PCDHA3: variants seen among roughly 807,000 people sequenced by gnomAD.
PCDHA3 encodes protocadherin alpha 3.
PCDHA3 carries 41 observed loss-of-function variants against 62.2 expected under a neutral mutation model. That is an observed-to-expected ratio of 0.66 (90% CI 0.51 to 0.86). The LOEUF is 0.86. Among genes scored for constraint, PCDHA3 ranks in the 40% least tolerant of loss-of-function variants. PCDHA3 has a pLI of 0.00. For synonymous variants in PCDHA3, 640 were observed against 555.4 expected, an observed-to-expected ratio of 1.15 and a Z score of -2.14; for missense variants, 1,304 against 1,241.2, an observed-to-expected ratio of 1.05 and a Z score of -0.76.
intron 1 of PCDHA3, chr5:140,835,697 T>G (rs2150242231): frequency 1.6e-5 from 26 of 1,613,776 alleles, no homozygotes; most frequent in African/African-American, 6.7e-5. Flanking sequence ...TGTGGGCCAC[T>G]GCTAGCGTGT....
chr5:140,886,698 C>G (rs578140955), intron 1 of PCDHA3, among the ~76,000 whole-genome samples: 3 of 151,820 alleles, frequency 2.0e-5, no homozygotes, highest in Non-Finnish European at 4.4e-5. Flanking sequence ...TGGTGGCACG[C>G]GCCTGTAATC....
At chr5:140,909,043 C>T (rs2074280472) in intron 1 of PCDHA3, among the ~76,000 whole-genome samples, 1 of 152,188 alleles carries the variant, frequency 6.6e-6, no homozygotes, top group Non-Finnish European at 1.5e-5. Flanking sequence ...TTTCCATACT[C>T]TGGCATGCAA....
intron 1 of PCDHA3, among the ~76,000 whole-genome samples, chr5:140,840,126 A>G (rs1776573004): frequency 6.6e-6 from 1 of 152,062 alleles, no homozygotes; most frequent in African/African-American, 2.4e-5. Flanking sequence ...CTGTACTAAT[A>G]AGGACAGAAA....
chr5:140,852,911 C>G lies in PCDHA3; in HGVS notation c.2394+49320C>G, dbSNP rs2150524968. ...TTTTTTTTTTTGAGTCAGAGTCTCG[C>G]TCTGTTGCCCAGGCTGGAGTGCAGT... On this transcript the variant is annotated intron_variant, in intron 1 of 3. Transcript: ENST00000522353. The G allele has an allele frequency of 3.8e-6, 3 of 791,732 alleles. 1 individual carries two copies. The South Asian group carries it at 1.7e-4, about 44-fold the overall frequency. The allele number at this position is 791,732 out of a possible 1,614,324, so 49.0% of individuals were successfully genotyped here. A position where few individuals can be genotyped will look rare whatever the true frequency, so the allele number is the denominator to read the frequency against.
chr5:140,986,714 CATT>C (rs1426352732), intron 3 of PCDHA3, among the ~76,000 whole-genome samples: 4 of 152,118 alleles, frequency 2.6e-5, no homozygotes, highest in Non-Finnish European at 4.4e-5. Flanking sequence ...CAGAAGATAA[CATT>C]ATAGCTTCTC....
Position 140,802,866 on chromosome 5 carries a change from G to T in PCDHA3, c.1669G>T (p.Asp557Tyr). ...SNVTLQVFVL[D>Y]ENDNAPALLM... ...CGTGACGCTGCAGGTGTTCGTGCTG[G>T]ACGAGAACGACAACGCGCCGGCACT... The change falls in exon 1 of 4, where the codon GAC (aspartate) becomes TAC (tyrosine). Residue 557 changes from aspartate to tyrosine, a missense_variant. Coordinates refer to ENST00000522353, the MANE Select transcript of PCDHA3 (RefSeq NM_018906.3). 2 of 1,613,736 alleles carry T rather than the reference G, an allele frequency of 1.2e-6. No homozygotes were observed. Among genetic ancestry groups the T allele is most frequent in the South Asian group, 2.2e-5 (2 of 91,078 alleles).
intron 1 of PCDHA3, chr5:140,808,899 G>T: frequency 6.2e-7 from 1 of 1,613,482 alleles, no homozygotes. Context: ...CCTCGGGCGG[G>T]TGGCACTGGT....
intron 3 of PCDHA3, among the ~76,000 whole-genome samples, chr5:140,985,728 C>G (rs2097165709): frequency 6.7e-6 from 1 of 148,846 alleles, no homozygotes; most frequent in Admixed American, 6.8e-5. Flanking sequence ...TTTTCCTTCA[C>G]TGATGAATTC....
intron 1 of PCDHA3, chr5:140,843,511 C>T: frequency 6.3e-7 from 1 of 1,595,668 alleles, no homozygotes; most frequent in Non-Finnish European, 8.6e-7. Context: ...CCACTGAGGG[C>T]GGGTGCCGGG....
At position 140,979,295 on chromosome 5, in the gene PCDHA3, C is replaced by A. The variant is rs180999093; in HGVS notation, c.2453+288C>A. Among the ~76,000 whole-genome samples, 27 of 152,270 alleles carry A rather than the reference C, an allele frequency of 1.8e-4. 1 individual carries two copies. The highest frequency in any genetic ancestry group is 4.1e-4 in the African/African-American group (17 of 41,558). ...TTCTACAGGGAAGTAATTTCAACCT[C>A]CTTCATCCCTCTCTACCTATGCTTT... On this transcript the variant is annotated intron_variant, in intron 2 of 3. Coordinates refer to ENST00000522353, the MANE Select transcript of PCDHA3 (RefSeq NM_018906.3).
intron 1 of PCDHA3, chr5:140,841,869 A>G (rs1223944877): frequency 6.2e-7 from 1 of 1,613,734 alleles, no homozygotes; most frequent in African/African-American, 1.3e-5. Flanking sequence ...CTAGATGTGA[A>G]TTCAAAGAAC....
At chr5:140,822,611 T>A in intron 1 of PCDHA3, 1 of 1,611,604 alleles carries the variant, frequency 6.2e-7, no homozygotes, top group South Asian at 1.1e-5. Flanking sequence ...ATAGTGTATT[T>A]CTTTAGTAAT....
At chr5:140,841,207 T>A in intron 1 of PCDHA3, 1 of 1,357,192 alleles carries the variant, frequency 7.4e-7, no homozygotes, top group Non-Finnish European at 1.0e-6. Context: ...ACAGCATCTG[T>A]CTCTAAAGGC....
intron 1 of PCDHA3, among the ~76,000 whole-genome samples, chr5:140,941,191 T>TTTCTTTCTTCCTTTCTTCCTTTC (rs1487503403): frequency 1.1e-5 from 1 of 93,258 alleles, no homozygotes; most frequent in African/African-American, 3.9e-5. Flanking sequence ...GCTTCTTTTT[T>TTTCTTTCTTCCTTTCTTCCTTTC]TTTCTTTCTT....
Position 140,971,633 on chromosome 5 carries a change from T to A in PCDHA3, c.2395-7316T>A, listed in dbSNP as rs540754440. 2.0e-5 allele frequency among the ~76,000 whole-genome samples: 3 copies of A among 152,294 alleles called. No individual in the cohort carries two copies. The South Asian group carries it at 6.2e-4, about 32-fold the overall frequency. On this transcript the variant is annotated intron_variant, in intron 1 of 3. Transcript: ENST00000522353. ...GAGTCCTGGGGTACAATTAGTACCA[T>A]GTGCCTACATTAAAAGTAGATGGGA...
intron 1 of PCDHA3, among the ~76,000 whole-genome samples, chr5:140,934,198 A>G (rs918942390): frequency 3.7e-4 from 57 of 152,134 alleles, no homozygotes; most frequent in African/African-American, 1.3e-3. Context: ...TTTCATTTCT[A>G]TTTCCTCACA....
intron 1 of PCDHA3, chr5:140,830,027 C>G (rs2150179874): frequency 4.3e-6 from 7 of 1,613,884 alleles, no homozygotes; most frequent in Non-Finnish European, 5.1e-6. Flanking sequence ...TCCGCGCCAC[C>G]GGCTGCTGGT....
chr5:140,873,821 T>C (rs562633), intron 1 of PCDHA3, among the ~76,000 whole-genome samples: 2,262 of 152,230 alleles, frequency 0.015, 53 homozygotes, highest in African/African-American at 0.052. Context: ...CCACCACTCC[T>C]GGCTAATTTT....
chr5:140,958,915 G>T (rs1162016056), intron 1 of PCDHA3, among the ~76,000 whole-genome samples: 13 of 150,674 alleles, frequency 8.6e-5, no homozygotes, highest in Non-Finnish European at 1.8e-4. Flanking sequence ...AAGTCTGCCT[G>T]GGTGTGGTGG....
Sources: allele counts gnomAD v4.1 joint callset (sites outside exome capture counted in the v4.1 genomes callset), GRCh38; gene constraint gnomAD v4.1.1; transcripts MANE v1.5; gene names NCBI Gene and HGNC (gene_info 2026-07-23, HGNC 2026-07-21).